SMAD6: variants seen among roughly 807,000 people sequenced by gnomAD.
SMAD6 encodes SMAD family member 6.
Under a neutral mutation model 39.4 loss-of-function variants are expected in SMAD6, and 103 were observed. The ratio of observed to expected loss-of-function variants is 2.62; its 90% CI spans 2.23 to 3.08. SMAD6 has a LOEUF of 3.08. SMAD6 is among the 30% of genes most tolerant of loss of function. The pLI is 0.00. For synonymous variants in SMAD6, 445 were observed against 353.3 expected (o/e 1.26, Z -2.91); for missense variants, 1,104 against 742.9 (o/e 1.49, Z -5.65).
rs145965213 is a variant in SMAD6 at position 66,721,526 on chromosome 15, C to T, written c.952+5028C>T. 5.3e-5 allele frequency among the ~76,000 whole-genome samples: 8 copies of T among 152,272 alleles called. No homozygotes were observed. In the South Asian group the frequency reaches 1.0e-3, roughly 20 times the overall value. ...AGAGCATGGGCTCTGCACCAGTGGG[C>T]CCTGCAATCAAGCCCTGAGTCGGCC... On this transcript the variant is annotated intron_variant, in intron 3 of 3. Coordinates refer to ENST00000288840, the MANE Select transcript of SMAD6 (RefSeq NM_005585.5).
At chr15:66,727,080 C>T (rs1008247477) in intron 3 of SMAD6, among the ~76,000 whole-genome samples, 2 of 149,228 alleles carry the variant, frequency 1.3e-5, no homozygotes, top group Non-Finnish European at 3.0e-5. Flanking sequence ...GTGAACTGTG[C>T]TGGCTCTTTT....
In SMAD6 at chr15:66,782,053, C is replaced by T. The variant is rs1894588931; in HGVS notation, c.*518C>T. On this transcript the variant is annotated 3_prime_UTR_variant, in exon 4 of 4. Transcript: ENST00000288840. ...GTAGGGCTTCAGCGGATTTCTGACC[C>T]ATCATGTACCTTGAAACTTGACCTC... 2.5e-6 allele frequency: 1 copy of T among 397,840 alleles called. No homozygotes were observed. Among genetic ancestry groups the T allele is most frequent in the African/African-American group, 2.1e-5 (1 of 48,674 alleles). The allele number at this position is 397,840 out of a possible 1,614,324, so 24.6% of individuals were successfully genotyped here.
In SMAD6 at chr15:66,781,462, G is replaced by C. The variant is rs773151953; in HGVS notation, c.1418G>C (p.Gly473Ala). The C allele has an allele frequency of 2.5e-6, 4 of 1,603,822 alleles. No individual in the cohort carries two copies. Among genetic ancestry groups the C allele is most frequent in the Non-Finnish European group, 3.4e-6 (4 of 1,177,584 alleles). Reference sequence around the variant, plus strand: ...CGCATCAGCTTCGCCAAGGGCTGGGGGCCCTGCTACTCCCGGCAGTTCATC... The same window carrying C: ...CGCATCAGCTTCGCCAAGGGCTGGGCGCCCTGCTACTCCCGGCAGTTCATC... ...SVRISFAKGW[G>A]PCYSRQFITS... The change falls in exon 4 of 4, where the codon GGG becomes GCG. Residue 473 changes from glycine to alanine, a missense_variant. By Grantham distance (60) the Gly-to-Ala change is moderately conservative. Transcript: ENST00000288840.
intron 3 of SMAD6, among the ~76,000 whole-genome samples, chr15:66,770,427 G>A (rs896359224): frequency 3.9e-5 from 6 of 152,160 alleles, no homozygotes; most frequent in Non-Finnish European, 2.9e-5. Context: ...GACCCATGGA[G>A]CTGGGAGGAT....
intron 3 of SMAD6, among the ~76,000 whole-genome samples, chr15:66,780,248 T>C (rs928692647): frequency 3.9e-5 from 6 of 152,146 alleles, no homozygotes; most frequent in African/African-American, 1.4e-4. Context: ...CCAACTCAGG[T>C]GGGCGGTACC....
At chr15:66,728,557 C>G (rs1443819887) in intron 3 of SMAD6, among the ~76,000 whole-genome samples, 2 of 151,998 alleles carry the variant, frequency 1.3e-5, no homozygotes, top group Non-Finnish European at 2.9e-5. Flanking sequence ...CAGGAGCATG[C>G]CACCACACCC....
intron 3 of SMAD6, among the ~76,000 whole-genome samples, chr15:66,726,122 C>G (rs1893516748): frequency 6.6e-6 from 1 of 152,142 alleles, no homozygotes; most frequent in African/African-American, 2.4e-5. Context: ...CACTCCCAGG[C>G]CCCTTCTCTG....
intron 3 of SMAD6, among the ~76,000 whole-genome samples, chr15:66,743,388 C>G (rs964983441): frequency 2.7e-5 from 4 of 149,960 alleles, no homozygotes; most frequent in African/African-American, 9.8e-5. Context: ...GTTTCTGCAT[C>G]TGTAAAATGG....
intron 3 of SMAD6, among the ~76,000 whole-genome samples, chr15:66,756,242 A>C (rs1424255959): frequency 6.6e-6 from 1 of 151,956 alleles, no homozygotes; most frequent in African/African-American, 2.4e-5. Flanking sequence ...CCTTTAAAAA[A>C]ATTTTTTTTT....
At position 66,703,915 on chromosome 15, in the gene SMAD6, C is replaced by G. The variant is rs1252567398; in HGVS notation, c.657C>G (p.Pro219=). The G allele has an allele frequency of 1.5e-6, 2 of 1,298,428 alleles. No individual in the cohort carries two copies. Among genetic ancestry groups the G allele is most frequent in the Non-Finnish European group, 1.9e-6 (2 of 1,028,350 alleles). The allele number at this position is 1,298,428 out of a possible 1,614,324, so 80.4% of individuals were successfully genotyped here. ...CCGACCTCCGCCTGGGCGGCCAGCC[C>G]GCGCCGCCGCAGCTGCTGCTCGGCC... is the stretch of plus-strand genomic sequence containing the variant. The part of the protein sequence containing the change: ...PRADLRLGGQ[P]APPQLLLGRL... The change falls in exon 1 of 4, where the codon CCC becomes CCG. Residue 219 remains proline, a synonymous_variant. Transcript: ENST00000288840.
rs74921376 is a variant in SMAD6 at position 66,729,155 on chromosome 15, G to A, written c.952+12657G>A. On this transcript the variant is annotated intron_variant, in intron 3 of 3. Coordinates refer to ENST00000288840, the MANE Select transcript of SMAD6 (RefSeq NM_005585.5). ...CTAGAGCAGGATCTCCCCTCTCTGC[G>A]TCCAGGACCTCTGCCCACACGGAGG... 6.5e-3 allele frequency among the ~76,000 whole-genome samples: 987 copies of A among 152,214 alleles called. 7 individuals are homozygous for A. Among genetic ancestry groups the A allele is most frequent in the African/African-American group, 0.02 (832 of 41,524 alleles).
intron 3 of SMAD6, among the ~76,000 whole-genome samples, chr15:66,752,451 A>C (rs1035007671): frequency 3.3e-5 from 5 of 152,140 alleles, no homozygotes; most frequent in Admixed American, 3.3e-4. Flanking sequence ...TCTGTTTTCA[A>C]AATGCTCACA....
At chr15:66,746,031 C>T (rs1008982291) in intron 3 of SMAD6, among the ~76,000 whole-genome samples, 1 of 152,148 alleles carries the variant, frequency 6.6e-6, no homozygotes. Context: ...CGCTGGTGGG[C>T]CCGGATAAGA....
intron 3 of SMAD6, among the ~76,000 whole-genome samples, chr15:66,773,694 G>C (rs1015146685): frequency 2.0e-5 from 3 of 152,128 alleles, no homozygotes; most frequent in Non-Finnish European, 1.5e-5. Flanking sequence ...GAAGAAAGGA[G>C]TTTTCCAGGA....
chr15:66,768,587 A>C (rs1894329332), intron 3 of SMAD6, among the ~76,000 whole-genome samples: 1 of 152,216 alleles, frequency 6.6e-6, no homozygotes. Context: ...CAAGGCTCAC[A>C]CATAGTAAGC....
Position 66,716,401 on chromosome 15 carries a change from CT to C in SMAD6, c.875-15del. 2 of 1,598,500 alleles carry C rather than the reference CT, an allele frequency of 1.3e-6. No homozygotes were observed. Among genetic ancestry groups the C allele is most frequent in the Non-Finnish European group, 8.6e-7 (1 of 1,165,694 alleles). The stretch of plus-strand genomic sequence containing the variant: ...GCTGCCCCACGGCCAACTAAGTTCT[CT>C]TTTTCTTTCCTCCCACAGATCTGTC... On this transcript the variant is annotated intron_variant, in intron 2 of 3. Transcript: ENST00000288840.
chr15:66,728,838 C>G (rs1471078203), intron 3 of SMAD6, among the ~76,000 whole-genome samples: 2 of 152,118 alleles, frequency 1.3e-5, no homozygotes, highest in East Asian at 3.8e-4. Flanking sequence ...TTGATAGTGC[C>G]CAGCTTTTGG....
intron 2 of SMAD6, among the ~76,000 whole-genome samples, chr15:66,714,290 A>G (rs1405951046): frequency 6.6e-6 from 1 of 152,198 alleles, no homozygotes; most frequent in Non-Finnish European, 1.5e-5. Context: ...AGGCCCAGAA[A>G]GAGGAAGTGA....
At chr15:66,772,694 G>A (rs1322558844) in intron 3 of SMAD6, among the ~76,000 whole-genome samples, 1 of 152,186 alleles carries the variant, frequency 6.6e-6, no homozygotes, top group Non-Finnish European at 1.5e-5. Flanking sequence ...TTGCATCCCT[G>A]TGTTACAGGT....
Sources: gnomAD v4.1 joint callset for allele counts (sites outside exome capture counted in the v4.1 genomes callset) on GRCh38, gnomAD v4.1.1 for gene constraint, MANE v1.5 for transcripts, NCBI Gene and HGNC (gene_info 2026-07-23, HGNC 2026-07-21) for gene names.